INO80: variants seen among roughly 807,000 people sequenced by gnomAD.
INO80 encodes the protein INO80 complex ATPase subunit.
INO80 carries 20 observed loss-of-function variants against 203.4 expected under a neutral mutation model. The ratio of observed to expected loss-of-function variants is 0.10; its 90% confidence interval spans 0.07 to 0.14. The LOEUF is 0.14. INO80 is among the 10% of genes least tolerant of loss of function. INO80 has a pLI of 1.00. For synonymous variants in INO80, 726 were observed against 685.2 expected, an observed-to-expected ratio of 1.06 and a Z score of -0.93; for missense variants, 1,419 against 1,914.4, an observed-to-expected ratio of 0.74 and a Z score of 4.83.
At chr15:41,106,150 T>C (rs959218432) in intron 1 of INO80, among the ~76,000 whole-genome samples, 8 of 151,924 alleles carry the variant, frequency 5.3e-5, no homozygotes, top group Non-Finnish European at 2.9e-5. Flanking sequence ...TGCCAGCACT[T>C]TGGGAAGCTA....
intron 11 of INO80, among the ~76,000 whole-genome samples, chr15:41,073,071 G>A (rs1230862983): frequency 6.6e-6 from 1 of 151,858 alleles, no homozygotes; most frequent in Non-Finnish European, 1.5e-5. Flanking sequence ...GAGCCACCAC[G>A]CCCGGTGAGT....
chr15:41,010,444 T>C (rs556464038), intron 27 of INO80, among the ~76,000 whole-genome samples: 1 of 152,016 alleles, frequency 6.6e-6, no homozygotes, highest in East Asian at 1.9e-4. Flanking sequence ...GGGTATATAG[T>C]AAGGGTAGGT....
chr15:41,049,664 T>C (rs1024752360), intron 20 of INO80, among the ~76,000 whole-genome samples: 1 of 152,122 alleles, frequency 6.6e-6, no homozygotes, highest in Non-Finnish European at 1.5e-5. Flanking sequence ...GGCGGGTGGA[T>C]CCCTTGAGGC....
intron 14 of INO80, among the ~76,000 whole-genome samples, chr15:41,064,063 T>C (rs2045165236): frequency 6.6e-6 from 1 of 152,170 alleles, no homozygotes. Context: ...TATGTTTTAA[T>C]ATACCACTCT....
intron 27 of INO80, chr15:41,011,474 G>T (rs557876569): frequency 5.9e-5 from 9 of 151,988 alleles, no homozygotes; most frequent in African/African-American, 2.2e-4. Flanking sequence ...GAGGAAAAAA[G>T]AATTTAAAAA....
chr15:41,091,986 G>A (rs900340238), intron 5 of INO80, 41 bp downstream of exon 5: 4 of 1,536,072 alleles, frequency 2.6e-6, no homozygotes, highest in Non-Finnish European at 3.6e-6. Context: ...TAAAGCAGAG[G>A]GTGAATATTC....
At chr15:40,999,623 A>C (rs913711789) in intron 28 of INO80, among the ~76,000 whole-genome samples, 1 of 152,188 alleles carries the variant, frequency 6.6e-6, no homozygotes, top group Admixed American at 6.5e-5. Flanking sequence ...AATATTTCGT[A>C]ATTGTATTTA....
At chr15:41,006,158 T>C (rs956861999) in intron 27 of INO80, among the ~76,000 whole-genome samples, 5 of 152,160 alleles carry the variant, frequency 3.3e-5, no homozygotes, top group Non-Finnish European at 7.4e-5. Flanking sequence ...CAACAGAGCA[T>C]GCATCACTGT....
chr15:41,033,471 C>G (rs1369372869), intron 24 of INO80, among the ~76,000 whole-genome samples: 3 of 151,716 alleles, frequency 2.0e-5, no homozygotes, highest in South Asian at 4.2e-4. Context: ...AGTAGAGAGA[C>G]AGAGTGAGAC....
chr15:41,088,835 A>G (rs1037291686), intron 5 of INO80, among the ~76,000 whole-genome samples: 1 of 152,198 alleles, frequency 6.6e-6, no homozygotes, highest in Admixed American at 6.5e-5. Context: ...CTGTACACTT[A>G]AAGTCTGATA....
chr15:41,101,482 T>C (rs1423319906), intron 1 of INO80, among the ~76,000 whole-genome samples: 1 of 152,158 alleles, frequency 6.6e-6, no homozygotes, highest in African/African-American at 2.4e-5. Context: ...TTATTTCACC[T>C]TAGCTCAATA....
At chr15:41,041,463 G>A (rs1160610814) in intron 24 of INO80, among the ~76,000 whole-genome samples, 1 of 148,824 alleles carries the variant, frequency 6.7e-6, no homozygotes. Flanking sequence ...TTTTTGAGAC[G>A]GAGTTTTGCT....
intron 14 of INO80, among the ~76,000 whole-genome samples, chr15:41,063,590 A>G (rs1038617032): frequency 5.3e-5 from 8 of 152,210 alleles, no homozygotes; most frequent in East Asian, 1.9e-4. Context: ...CCTGGCTAAC[A>G]TGGTGAAACC....
At chr15:41,022,205 C>CT (rs1421863261) in intron 25 of INO80, among the ~76,000 whole-genome samples, 4 of 152,112 alleles carry the variant, frequency 2.6e-5, no homozygotes, top group Non-Finnish European at 4.4e-5. Context: ...TAAAGCTAGA[C>CT]TAAGACATGG....
At chr15:41,076,614 T>C (rs911369850) in intron 9 of INO80, among the ~76,000 whole-genome samples, 1 of 152,032 alleles carries the variant, frequency 6.6e-6, no homozygotes, top group Non-Finnish European at 1.5e-5. Flanking sequence ...TGGTAGCATG[T>C]ACCTGCAGTC....
intron 14 of INO80, among the ~76,000 whole-genome samples, chr15:41,068,381 G>C (rs1439254694): frequency 6.6e-6 from 1 of 151,944 alleles, no homozygotes; most frequent in African/African-American, 2.4e-5. Context: ...ATCGTCAGTA[G>C]AGAAACCCCG....
At chr15:41,022,345 T>A (rs1231037847) in intron 25 of INO80, among the ~76,000 whole-genome samples, 1 of 152,248 alleles carries the variant, frequency 6.6e-6, no homozygotes, top group African/African-American at 2.4e-5. Context: ...GATCTTGCTA[T>A]TAACTTTTCT....
rs560249078 is a variant in INO80 at position 41,081,965 on chromosome 15, C to A, written c.874-892G>T. 1.1e-4 allele frequency among the ~76,000 whole-genome samples: 16 copies of A among 152,216 alleles called. No individual in the cohort carries two copies. The East Asian group carries it at 2.7e-3, about 26-fold the overall frequency. ...AAATATTCCCACTAAAAAGTCATTT[C>A]CTGGCCAGGAATGGTGGTTCACGCC... On this transcript the variant is annotated intron_variant, in intron 7 of 35. Coordinates refer to ENST00000648947, the MANE Select transcript of INO80 (RefSeq NM_017553.3).
intron 35 of INO80, 102 bp from the exon 36 acceptor site, chr15:40,980,542 G>T: frequency 1.2e-6 from 1 of 812,586 alleles, no homozygotes; most frequent in African/African-American, 1.7e-5. Flanking sequence ...AGGAGAAGTG[G>T]TGGGCAATTC....
Sources: allele counts gnomAD v4.1 joint callset (sites outside exome capture counted in the v4.1 genomes callset), GRCh38; gene constraint gnomAD v4.1.1; transcripts MANE v1.5; gene names NCBI Gene and HGNC (gene_info 2026-07-23, HGNC 2026-07-21).